Variants in ZNF138 observed in about 807,000 individuals in gnomAD.
The protein encoded by ZNF138 is zinc finger protein 138 (clone pHZ-32).
A neutral mutation model predicts 33.0 loss-of-function variants in ZNF138; 33 were observed. That is an observed-to-expected ratio of 1.00 (90% CI 0.76 to 1.34). The LOEUF is 1.34. Ranked by LOEUF, ZNF138 falls within the 40% of genes most tolerant of loss-of-function variation. ZNF138 has a pLI of 0.00. For missense variants in ZNF138, 360 were observed against 370.8 expected, an observed-to-expected ratio of 0.97 and a Z score of 0.24; for synonymous variants, 139 against 120.4, an observed-to-expected ratio of 1.15 and a Z score of -1.01.
At chr7:64,813,522 C>T (rs902423713) in intron 1 of ZNF138, among the ~76,000 whole-genome samples, 1 of 151,626 alleles carries the variant, frequency 6.6e-6, no homozygotes, top group Non-Finnish European at 1.5e-5. Flanking sequence ...CAAGCTCTGC[C>T]TCCCGGGTTG....
downstream of ZNF138, among the ~76,000 whole-genome samples, chr7:64,833,845 C>G (rs539396783): frequency 1.3e-5 from 2 of 152,088 alleles, no homozygotes; most frequent in Admixed American, 1.3e-4. Context: ...CTGCCTGGGC[C>G]TCCAGAATAG....
intron 1 of ZNF138, among the ~76,000 whole-genome samples, chr7:64,798,731 T>A (rs571024991): frequency 6.6e-6 from 1 of 151,322 alleles, no homozygotes; most frequent in Non-Finnish European, 1.5e-5. Context: ...TGAGCCGAGA[T>A]TGAGCCATTG....
At chr7:64,817,128 G>A (rs897267691) in intron 3 of ZNF138, among the ~76,000 whole-genome samples, 11 of 152,218 alleles carry the variant, frequency 7.2e-5, no homozygotes, top group Middle Eastern at 6.3e-3. Flanking sequence ...AGGTCACTGT[G>A]TGGGTTTCTA....
At chr7:64,829,718 A>G (rs548881793) in intron 3 of ZNF138, among the ~76,000 whole-genome samples, 2 of 151,418 alleles carry the variant, frequency 1.3e-5, no homozygotes, top group Non-Finnish European at 2.9e-5. Context: ...TATCTTTCAC[A>G]TTTTAGAGAA....
At position 64,808,551 on chromosome 7, in the gene ZNF138, T is replaced by C. The variant is rs1787802183; in HGVS notation, c.4-6367T>C. Among the ~76,000 whole-genome samples the C allele has an allele frequency of 2.0e-5, 3 of 151,726 alleles. No homozygotes were observed. The South Asian group carries it at 6.3e-4, about 32-fold the overall frequency. On this transcript the variant is annotated intron_variant, in intron 1 of 3. Transcript: ENST00000307355. ...ACGAGGTCATTTCTATGGATATTTA[T>C]GGACACAACAGTTGCTATTAGTATT...
At chr7:64,833,727 GT>G (rs372437081), downstream of ZNF138, 26 of 99,336 alleles carry the variant, frequency 2.6e-4, no homozygotes, top group Non-Finnish European at 3.8e-4. Context: ...TGTTTGTTTT[GT>G]TTTGTTTTTT....
intron 3 of ZNF138, among the ~76,000 whole-genome samples, chr7:64,819,188 C>T (rs1023429933): frequency 4.0e-5 from 6 of 151,866 alleles, no homozygotes; most frequent in South Asian, 2.1e-4. Flanking sequence ...CAAATATGAC[C>T]CCTATTTTGG....
intron 1 of ZNF138, among the ~76,000 whole-genome samples, chr7:64,814,542 G>C (rs879345977): frequency 6.6e-6 from 1 of 152,114 alleles, no homozygotes; most frequent in African/African-American, 2.4e-5. Context: ...CGAGGAGGGT[G>C]GATCACGAGG....
intron 1 of ZNF138, among the ~76,000 whole-genome samples, chr7:64,805,936 A>T (rs1488288815): frequency 6.6e-6 from 1 of 152,248 alleles, no homozygotes; most frequent in Non-Finnish European, 1.5e-5. Flanking sequence ...CTACTTGTGG[A>T]TTAATTATGG....
rs569603708 is a variant in ZNF138, at chr7:64,821,981, C to T, written c.208+6328C>T. On this transcript the variant is annotated intron_variant, in intron 3 of 3. Transcript: ENST00000307355. ...TCACCCAGGCTGGAGTGCAGTGGCGCGATCTCAGCTCACTGCAAGCTCTGC... is the reference window on the plus strand; with the variant it reads ...TCACCCAGGCTGGAGTGCAGTGGCGTGATCTCAGCTCACTGCAAGCTCTGC... Among the ~76,000 whole-genome samples the T allele has an allele frequency of 1.0e-3, 135 of 130,534 alleles. 2 individuals are homozygous for T. The highest frequency in any genetic ancestry group is 3.3e-3 in the African/African-American group (108 of 32,704). 85.6% of individuals were successfully genotyped at this position (130,534 alleles called of 152,430 possible). A position where few individuals can be genotyped will look rare whatever the true frequency, so the allele number is the denominator to read the frequency against.
intron 1 of ZNF138, among the ~76,000 whole-genome samples, chr7:64,803,910 C>T (rs79537744): frequency 0.029 from 4,403 of 152,212 alleles, 202 homozygotes; most frequent in African/African-American, 0.099. Flanking sequence ...CAGTGTCTTT[C>T]GTTTCACTAA....
intron 1 of ZNF138, among the ~76,000 whole-genome samples, chr7:64,814,465 C>A (rs752335562): frequency 5.3e-5 from 8 of 152,106 alleles, no homozygotes; most frequent in Non-Finnish European, 1.2e-4. Context: ...GAAAATATTT[C>A]TGTTAAAAAT....
chr7:64,851,260 C>A, the ZNF138 span, among the ~76,000 whole-genome samples: 1 of 152,174 alleles, frequency 6.6e-6, no homozygotes, highest in Non-Finnish European at 1.5e-5. Flanking sequence ...CCACCACACC[C>A]AGCCTCTGGT....
At chr7:64,859,921 G>A in the ZNF138 span, among the ~76,000 whole-genome samples, 13 of 152,254 alleles carry the variant, frequency 8.5e-5, no homozygotes, top group South Asian at 1.5e-3. Context: ...GGTGGATTAC[G>A]AGGTCAAGAG....
At chr7:64,803,344 A>G (rs1461569249) in intron 1 of ZNF138, among the ~76,000 whole-genome samples, 2 of 151,640 alleles carry the variant, frequency 1.3e-5, no homozygotes, top group Non-Finnish European at 1.5e-5. Context: ...AAGAGCACAC[A>G]AAAGTTGAGC....
At chr7:64,834,648 T>C (rs1235591323), downstream of ZNF138, among the ~76,000 whole-genome samples, 1 of 152,206 alleles carries the variant, frequency 6.6e-6, no homozygotes, top group East Asian at 1.9e-4. Flanking sequence ...TGAGAGATTC[T>C]TTTTTGTTAT....
At chr7:64,805,062 A>T (rs1249770161) in intron 1 of ZNF138, among the ~76,000 whole-genome samples, 1 of 152,166 alleles carries the variant, frequency 6.6e-6, no homozygotes, top group Non-Finnish European at 1.5e-5. Context: ...ATCTGGACTC[A>T]TGCTGAAAAT....
chr7:64,830,965 T>C (rs1386702111), intron 3 of ZNF138: 19 of 1,551,450 alleles, frequency 1.2e-5, no homozygotes, highest in Non-Finnish European at 1.7e-5. Context: ...TTGATCTCAG[T>C]GGACTCAACA....
intron 3 of ZNF138, among the ~76,000 whole-genome samples, chr7:64,827,205 G>A (rs1200702579): frequency 6.6e-6 from 1 of 151,158 alleles, no homozygotes; most frequent in African/African-American, 2.4e-5. Context: ...GCCTCCTAAA[G>A]CTGTAGAATT....
Sources: allele counts gnomAD v4.1 joint callset (sites outside exome capture counted in the v4.1 genomes callset), GRCh38; gene constraint gnomAD v4.1.1; transcripts MANE v1.5; gene names NCBI Gene and HGNC (gene_info 2026-07-23, HGNC 2026-07-21).